The following LAMA4 variants were observed in gnomAD, a reference collection of about 807,000 sequenced individuals.
LAMA4 encodes the protein laminin subunit alpha 4.
A neutral mutation model predicts 207.1 loss-of-function variants in LAMA4; 127 were observed. That is an observed-to-expected ratio of 0.61 (90% CI 0.53 to 0.71). The LOEUF (loss-of-function observed/expected upper bound fraction) is 0.71, where lower values mean the gene tolerates loss of function less well. Ranked by LOEUF, LAMA4 falls within the 30% of genes least tolerant of loss-of-function variation. LAMA4 has a pLI of 0.00. For synonymous variants in LAMA4, 761 were observed against 816.0 expected (o/e 0.93, Z 1.15); for missense variants, 2,093 against 2,246.5 (o/e 0.93, Z 1.38).
chr6:112,120,533 T>C (rs1157698723), intron 32 of LAMA4, 61 bp from the exon 33 acceptor site: 2 of 1,297,022 alleles, frequency 1.5e-6, no homozygotes, highest in Non-Finnish European at 1.1e-6. Flanking sequence ...AATCTCTAAC[T>C]TCTTAAAATA....
chr6:112,160,034 CA>C (rs1409192852), intron 13 of LAMA4, among the ~76,000 whole-genome samples: 119 of 152,272 alleles, frequency 7.8e-4, no homozygotes, highest in African/African-American at 2.7e-3. Context: ...TCAGCTACCC[CA>C]CTTGGCTAAG....
At chr6:112,228,521 T>A (rs1019556179) in intron 2 of LAMA4, among the ~76,000 whole-genome samples, 1 of 152,072 alleles carries the variant, frequency 6.6e-6, no homozygotes, top group Admixed American at 6.6e-5. Flanking sequence ...GAATTAGAGT[T>A]TACCGAATTG....
intron 18 of LAMA4, among the ~76,000 whole-genome samples, chr6:112,145,353 CA>C (rs1481067690): frequency 6.6e-6 from 1 of 152,254 alleles, no homozygotes; most frequent in Non-Finnish European, 1.5e-5. Context: ...CAACATGGCT[CA>C]GGCGTGCTGG....
At chr6:112,173,044 A>G (rs1442197197) in intron 11 of LAMA4, among the ~76,000 whole-genome samples, 1 of 152,208 alleles carries the variant, frequency 6.6e-6, no homozygotes, top group Admixed American at 6.5e-5. Flanking sequence ...GTTTTCCCAC[A>G]GAGGTTGTGC....
chr6:112,142,952 A>G (rs904608294), intron 19 of LAMA4, among the ~76,000 whole-genome samples: 7 of 152,236 alleles, frequency 4.6e-5, no homozygotes, highest in Non-Finnish European at 1.0e-4. Context: ...TCCTACCATT[A>G]TAATAACTGT....
chr6:112,235,526 T>C (rs1217590467), intron 2 of LAMA4, among the ~76,000 whole-genome samples: 1 of 152,178 alleles, frequency 6.6e-6, no homozygotes, highest in African/African-American at 2.4e-5. Flanking sequence ...ATTTCAATTG[T>C]TTTGGTACAT....
At chr6:112,141,688 CAG>C (rs1779705627) in intron 20 of LAMA4, among the ~76,000 whole-genome samples, 185 bp from the exon 21 acceptor site, 1 of 152,180 alleles carries the variant, frequency 6.6e-6, no homozygotes, top group African/African-American at 2.4e-5. Flanking sequence ...GTGGCCACAT[CAG>C]AGTCTGCTGG....
intron 4 of LAMA4, 128 bp downstream of exon 4, chr6:112,206,893 T>C: frequency 9.3e-7 from 1 of 1,074,488 alleles, no homozygotes; most frequent in Non-Finnish European, 1.4e-6. Context: ...TTTTCCAGTC[T>C]CATCTCAATA....
chr6:112,200,153 C>A (rs782719224), intron 5 of LAMA4: 1 of 533,296 alleles, frequency 1.9e-6, no homozygotes, highest in Admixed American at 1.9e-5. Flanking sequence ...AGTGGAAAGC[C>A]TCTCGTGCTC....
chr6:112,214,751 C>A (rs572632256), intron 3 of LAMA4, among the ~76,000 whole-genome samples: 11 of 152,282 alleles, frequency 7.2e-5, no homozygotes, highest in African/African-American at 2.6e-4. Flanking sequence ...GCTAGCCCAT[C>A]CCTAAACATT....
intron 7 of LAMA4, among the ~76,000 whole-genome samples, chr6:112,188,200 G>C (rs533031125): frequency 5.9e-5 from 9 of 152,340 alleles, no homozygotes; most frequent in African/African-American, 2.2e-4. Flanking sequence ...CTCTCTTCTA[G>C]AGACGTGATA....
In LAMA4 at chr6:112,175,462, A is replaced by G; in HGVS notation, c.1208T>C (p.Leu403Pro). ...DKIQEINNKM[L>P]YYGEEHELSP... The stretch of plus-strand genomic sequence containing the variant: ...AAGTTCATGCTCTTCCCCATAATAG[A>G]GCATCTTGTTGTTGATCTCTGAAAG... The change falls in exon 11 of 39, where the codon CTC (leucine) becomes CCC (proline). Residue 403 changes from leucine to proline, a missense_variant. Around this residue, in one of 3 missense-constraint regions of LAMA4, gnomAD observed 1,704 missense variants for 1,788.4 expected, o/e 0.95. Coordinates refer to ENST00000230538, the MANE Select transcript of LAMA4 (RefSeq NM_001105206.3). 6.2e-7 allele frequency: 1 copy of G among 1,614,156 alleles called. No homozygotes were observed.
At position 112,254,524 on chromosome 6, in the gene LAMA4, T is replaced by C; in HGVS notation, c.-207A>G. 1 of 356,204 alleles carries C rather than the reference T, an allele frequency of 2.8e-6. No individual in the cohort carries two copies. Among genetic ancestry groups the C allele is most frequent in the Non-Finnish European group, 5.4e-6 (1 of 185,664 alleles). 22.1% of individuals were successfully genotyped at this position (356,204 alleles called of 1,614,324 possible). A position where few individuals can be genotyped will look rare whatever the true frequency, so the allele number is the denominator to read the frequency against. On this transcript the variant is annotated 5_prime_UTR_variant, in exon 1 of 39. Transcript: ENST00000230538. ...CCAGCGCTAGGCCACCTCCTCTCCC[T>C]GGCCGTTCGGGACTGGGGACTGCGC...
chr6:112,214,401 T>C (rs1167293306), intron 3 of LAMA4, among the ~76,000 whole-genome samples: 1 of 152,124 alleles, frequency 6.6e-6, no homozygotes, highest in Non-Finnish European at 1.5e-5. Flanking sequence ...CTTCTTTCTT[T>C]CTAAATTAAA....
intron 35 of LAMA4, among the ~76,000 whole-genome samples, chr6:112,116,196 T>C (rs1554323799): frequency 1.3e-5 from 2 of 152,106 alleles, no homozygotes; most frequent in African/African-American, 4.8e-5. Context: ...ATCAATCCTG[T>C]TGTGGGGTGT....
At chr6:112,172,518 A>G (rs1164844394) in intron 12 of LAMA4, 93 bp downstream of exon 12, 2 of 1,168,036 alleles carry the variant, frequency 1.7e-6, no homozygotes, top group African/African-American at 1.5e-5. Flanking sequence ...TAACTATACC[A>G]ATATTTTAAA....
chr6:112,217,771 C>G (rs1439678446), intron 2 of LAMA4: 12 of 152,016 alleles, frequency 7.9e-5, no homozygotes, highest in African/African-American at 2.9e-4. Context: ...AAGAGAAGAT[C>G]AATTTATAAT....
Position 112,140,939 on chromosome 6 carries a change from T to A in LAMA4, c.2814-17A>T. ...TTTCCCACCCTATTGAGATAAATAA[T>A]TTTCACTTGTTATTATATAATTCAT... On this transcript the variant is annotated splice_polypyrimidine_tract_variant and intron_variant, in intron 21 of 38. Coordinates refer to ENST00000230538, the MANE Select transcript of LAMA4 (RefSeq NM_001105206.3). 6.3e-7 allele frequency: 1 copy of A among 1,597,774 alleles called. No individual in the cohort carries two copies.
intron 28 of LAMA4, 48 bp downstream of exon 28, chr6:112,132,705 A>C: frequency 6.3e-7 from 1 of 1,582,796 alleles, no homozygotes. Context: ...TTTAATAGGC[A>C]AAACAATTAT....
Sources: allele counts gnomAD v4.1 joint callset (sites outside exome capture counted in the v4.1 genomes callset), GRCh38; gene constraint gnomAD v4.1.1; regional missense constraint gnomAD v4.1.1; transcripts MANE v1.5; gene names NCBI Gene and HGNC (gene_info 2026-07-23, HGNC 2026-07-21).